Variants in L3MBTL4 observed in about 807,000 individuals in gnomAD.
L3MBTL4 encodes the protein lethal(3)malignant brain tumor-like protein 4.
A neutral mutation model predicts 84.5 loss-of-function variants in L3MBTL4; 70 were observed. The observed-to-expected ratio is 0.83, with a 90% confidence interval of 0.68 to 1.01. The LOEUF (loss-of-function observed/expected upper bound fraction) is 1.01. Among genes scored for constraint, L3MBTL4 ranks in the 50% least tolerant of loss-of-function variants. The probability of loss-of-function intolerance (pLI) is 0.00; values close to 1 mark genes in which losing one functional copy is unlikely to be tolerated. For missense variants in L3MBTL4, 715 were observed against 754.8 expected (o/e 0.95, Z 0.62); for synonymous variants, 274 against 259.8 (o/e 1.05, Z -0.52).
chr18:6,294,383 G>C (rs756540945), intron 4 of L3MBTL4, among the ~76,000 whole-genome samples: 2 of 152,286 alleles, frequency 1.3e-5, no homozygotes, highest in Admixed American at 1.3e-4. Flanking sequence ...GTCTGAGCGA[G>C]CATTAAAATG....
intron 15 of L3MBTL4, among the ~76,000 whole-genome samples, chr18:6,089,791 G>T (rs2058381002): frequency 6.6e-6 from 1 of 152,162 alleles, no homozygotes; most frequent in Non-Finnish European, 1.5e-5. Context: ...ATTAATAGTA[G>T]ATAGTTATTA....
chr18:5,969,324 T>TG, intron 17 of L3MBTL4, 69 bp downstream of exon 17: 1 of 1,552,366 alleles, frequency 6.4e-7, no homozygotes, highest in East Asian at 2.2e-5. Context: ...GAATGGTCAG[T>TG]GGGCACCTTC....
At chr18:6,138,390 A>T (rs2060095119) in intron 13 of L3MBTL4, 94 bp from the exon 14 acceptor site, 2 of 744,578 alleles carry the variant, frequency 2.7e-6, no homozygotes, top group Admixed American at 5.6e-5. Flanking sequence ...AGACTTTACA[A>T]ATTAAAAACA....
chr18:6,385,600 T>C (rs1358261399), intron 1 of L3MBTL4, among the ~76,000 whole-genome samples: 1 of 152,162 alleles, frequency 6.6e-6, no homozygotes, highest in Non-Finnish European at 1.5e-5. Flanking sequence ...GGTTAACCAC[T>C]CTTCAAGCTC....
chr18:6,043,620 T>C (rs1207928010), intron 16 of L3MBTL4, among the ~76,000 whole-genome samples: 4 of 152,210 alleles, frequency 2.6e-5, no homozygotes, highest in African/African-American at 4.8e-5. Flanking sequence ...CAGGTTGATG[T>C]CTTTCAATAC....
chr18:6,228,519 T>C (rs970199034), intron 10 of L3MBTL4, among the ~76,000 whole-genome samples: 3 of 152,178 alleles, frequency 2.0e-5, no homozygotes, highest in Non-Finnish European at 2.9e-5. Flanking sequence ...GTCTCCAGAA[T>C]ATATTAAGAA....
intron 5 of L3MBTL4, chr18:6,260,450 T>A (rs974378704): frequency 6.6e-6 from 1 of 152,192 alleles, no homozygotes; most frequent in Non-Finnish European, 1.5e-5. Context: ...TATGTCATCT[T>A]TGATTTCTTT....
At chr18:6,129,364 CTCTCTG>C (rs1260948738) in intron 14 of L3MBTL4, among the ~76,000 whole-genome samples, 5 of 139,158 alleles carry the variant, frequency 3.6e-5, no homozygotes, top group African/African-American at 1.4e-4. Flanking sequence ...TACTGGAATT[CTCTCTG>C]TGTGTGTGTG....
At chr18:6,412,021 A>G (rs1382321536) in intron 1 of L3MBTL4, among the ~76,000 whole-genome samples, 2 of 152,220 alleles carry the variant, frequency 1.3e-5, no homozygotes, top group Non-Finnish European at 2.9e-5. Flanking sequence ...CAGTTAGGGT[A>G]CGTGTGCAGG....
chr18:6,317,398 T>C (rs2051162408), intron 1 of L3MBTL4, among the ~76,000 whole-genome samples: 1 of 151,978 alleles, frequency 6.6e-6, no homozygotes, highest in South Asian at 2.1e-4. Flanking sequence ...GAGATACATA[T>C]TTTAAAGAAA....
intron 12 of L3MBTL4, among the ~76,000 whole-genome samples, chr18:6,201,866 T>C (rs2045662538): frequency 6.6e-6 from 1 of 152,152 alleles, no homozygotes; most frequent in Non-Finnish European, 1.5e-5. Flanking sequence ...CCCATAAATA[T>C]GTACAAATAT....
chr18:6,337,516 T>C (rs1390714035), intron 1 of L3MBTL4, among the ~76,000 whole-genome samples: 1 of 152,026 alleles, frequency 6.6e-6, no homozygotes, highest in Non-Finnish European at 1.5e-5. Flanking sequence ...GCATACCATA[T>C]AATGCTATTT....
At position 6,299,123 on chromosome 18, in the gene L3MBTL4, A is replaced by T. The variant is rs189349177; in HGVS notation, c.127+2780T>A. 3.1e-3 allele frequency among the ~76,000 whole-genome samples: 472 copies of T among 152,320 alleles called. 1 individual carries two copies. Among genetic ancestry groups the T allele is most frequent in the African/African-American group, 0.011 (457 of 41,562 alleles). Reference sequence around the variant, plus strand: ...AATCACACACAGTCATTAAGAAGTAATACTTACTGAAACAAGCCTTCTCTT... The same window carrying T: ...AATCACACACAGTCATTAAGAAGTATTACTTACTGAAACAAGCCTTCTCTT... On this transcript the variant is annotated intron_variant, in intron 4 of 18. Transcript: ENST00000317931.
chr18:5,978,416 T>C (rs772749739), intron 16 of L3MBTL4, among the ~76,000 whole-genome samples: 24 of 152,290 alleles, frequency 1.6e-4, no homozygotes, highest in Middle Eastern at 6.8e-3. Flanking sequence ...GCTTGAGACA[T>C]CATTAATTAA....
At chr18:6,179,392 A>G (rs1446601133) in intron 12 of L3MBTL4, among the ~76,000 whole-genome samples, 1 of 152,180 alleles carries the variant, frequency 6.6e-6, no homozygotes, top group African/African-American at 2.4e-5. Context: ...GGGTTTTAAT[A>G]TGTTTTCCTG....
At chr18:6,167,610 T>C (rs1429462879) in intron 13 of L3MBTL4, among the ~76,000 whole-genome samples, 1 of 152,100 alleles carries the variant, frequency 6.6e-6, no homozygotes, top group Non-Finnish European at 1.5e-5. Context: ...AGAAAAGGCA[T>C]GTGACAAAAT....
At chr18:6,048,525 G>A (rs1033701650) in intron 16 of L3MBTL4, among the ~76,000 whole-genome samples, 3 of 152,206 alleles carry the variant, frequency 2.0e-5, no homozygotes, top group East Asian at 1.9e-4. Context: ...GGCTGGGCAT[G>A]GTGGCTCACA....
At chr18:6,126,167 AACTT>A (rs2059686891) in intron 14 of L3MBTL4, among the ~76,000 whole-genome samples, 1 of 152,238 alleles carries the variant, frequency 6.6e-6, no homozygotes, top group South Asian at 2.1e-4. Flanking sequence ...AAAGGCATAT[AACTT>A]AGTACTTGGA....
intron 1 of L3MBTL4, chr18:6,397,588 C>T (rs1356032228): frequency 1.3e-5 from 2 of 152,130 alleles, no homozygotes; most frequent in African/African-American, 4.8e-5. Context: ...GTGGCTCATG[C>T]CTGTAATCCC....
Sources: allele counts gnomAD v4.1 joint callset (sites outside exome capture counted in the v4.1 genomes callset), GRCh38; gene constraint gnomAD v4.1.1; transcripts MANE v1.5; gene names NCBI Gene and HGNC (gene_info 2026-07-23, HGNC 2026-07-21).